Variants in ROBO2 observed in about 807,000 individuals in gnomAD.
ROBO2 encodes the protein roundabout homolog 2.
In ROBO2, 53 loss-of-function variants were observed where a neutral mutation model predicts 160.8. The ratio of observed to expected loss-of-function variants is 0.33; its 90% CI spans 0.26 to 0.41. The LOEUF (loss-of-function observed/expected upper bound fraction) is 0.41. Ranked by LOEUF, ROBO2 falls within the 10% of genes least tolerant of loss-of-function variation. The pLI is 1.00. For missense variants in ROBO2, 1,577 were observed against 1,722.4 expected, an observed-to-expected ratio of 0.92 and a Z score of 1.49; for synonymous variants, 664 against 611.7, an observed-to-expected ratio of 1.09 and a Z score of -1.26.
At chr3:76,375,755 T>C (rs542408255) in intron 2 of ROBO2, among the ~76,000 whole-genome samples, 1 of 152,108 alleles carries the variant, frequency 6.6e-6, no homozygotes, top group South Asian at 2.1e-4. Context: ...AACTAGAAAG[T>C]AATTTAGTCT....
intron 2 of ROBO2, among the ~76,000 whole-genome samples, chr3:76,389,798 A>G (rs905306240): frequency 6.6e-6 from 1 of 152,170 alleles, no homozygotes; most frequent in Non-Finnish European, 1.5e-5. Flanking sequence ...ATTAAGTTTC[A>G]TCGATTACAT....
At chr3:76,638,259 C>G (rs1034967490) in intron 2 of ROBO2, among the ~76,000 whole-genome samples, 10 of 152,122 alleles carry the variant, frequency 6.6e-5, no homozygotes, top group African/African-American at 2.4e-4. Flanking sequence ...AGAGACAGTC[C>G]TATCATTAGC....
At chr3:76,615,945 G>C (rs1358956282) in intron 2 of ROBO2, among the ~76,000 whole-genome samples, 1 of 152,128 alleles carries the variant, frequency 6.6e-6, no homozygotes, top group African/African-American at 2.4e-5. Context: ...TGCCAGAGTT[G>C]AGTATAAGAT....
intron 2 of ROBO2, among the ~76,000 whole-genome samples, chr3:76,718,409 T>C (rs1042466607): frequency 2.6e-5 from 4 of 152,228 alleles, no homozygotes; most frequent in Non-Finnish European, 5.9e-5. Context: ...GGATAAACCA[T>C]AGTTTCATCA....
chr3:75,990,681 G>A (rs1479336840), intron 2 of ROBO2, among the ~76,000 whole-genome samples: 1 of 152,188 alleles, frequency 6.6e-6, no homozygotes, highest in Non-Finnish European at 1.5e-5. Flanking sequence ...TAAGGTAAGA[G>A]TTGTATTTAT....
At chr3:77,323,343 T>C (rs1272291131) in intron 2 of ROBO2, among the ~76,000 whole-genome samples, 1 of 151,900 alleles carries the variant, frequency 6.6e-6, no homozygotes, top group Non-Finnish European at 1.5e-5. Flanking sequence ...ATACTTGCTC[T>C]CCTGAGTTGA....
chr3:76,497,372 A>T (rs1312973732), intron 2 of ROBO2, among the ~76,000 whole-genome samples: 1 of 151,938 alleles, frequency 6.6e-6, no homozygotes, highest in Non-Finnish European at 1.5e-5. Flanking sequence ...ATTTTGTTTA[A>T]TTTTTTAAAG....
chr3:77,539,576 G>C (rs1247333770), intron 6 of ROBO2, among the ~76,000 whole-genome samples: 2 of 152,080 alleles, frequency 1.3e-5, no homozygotes, highest in South Asian at 4.1e-4. Context: ...GGTATAATGA[G>C]ATGGAAAAAA....
chr3:76,419,509 A>G (rs2075901094), intron 2 of ROBO2, among the ~76,000 whole-genome samples: 1 of 152,044 alleles, frequency 6.6e-6, no homozygotes, highest in African/African-American at 2.4e-5. Flanking sequence ...TATCACCTGA[A>G]CTACTTTTTT....
chr3:77,312,168 G>A (rs62251215), intron 2 of ROBO2, among the ~76,000 whole-genome samples: 2 of 151,926 alleles, frequency 1.3e-5, no homozygotes, highest in Admixed American at 6.6e-5. Context: ...TGACAGCCAG[G>A]GGAATTCCAG....
chr3:75,934,261 G>T (rs1259647507), intron 1 of ROBO2, among the ~76,000 whole-genome samples: 2 of 152,124 alleles, frequency 1.3e-5, no homozygotes, highest in Non-Finnish European at 2.9e-5. Flanking sequence ...AGCACAATGG[G>T]CTCAACTATC....
intron 1 of ROBO2, among the ~76,000 whole-genome samples, chr3:75,924,442 T>C (rs909901519): frequency 6.6e-5 from 10 of 152,094 alleles, no homozygotes; most frequent in African/African-American, 2.2e-4. Context: ...AATTCTCCCC[T>C]GGAATCTCCT....
intron 2 of ROBO2, among the ~76,000 whole-genome samples, chr3:76,128,649 A>G (rs1430294577): frequency 6.6e-6 from 1 of 151,870 alleles, no homozygotes; most frequent in Admixed American, 6.6e-5. Flanking sequence ...GTTCATATGA[A>G]TTCTCTGGAA....
chr3:77,384,032 C>T (rs1169209758), intron 2 of ROBO2, among the ~76,000 whole-genome samples: 3 of 152,002 alleles, frequency 2.0e-5, no homozygotes, highest in Admixed American at 2.0e-4. Flanking sequence ...GTAAAATATG[C>T]CGCCCTGAAA....
chr3:76,960,433 G>A (rs1428923412), intron 2 of ROBO2, among the ~76,000 whole-genome samples: 1 of 149,104 alleles, frequency 6.7e-6, no homozygotes. Flanking sequence ...AAAAATGTAT[G>A]TGCATATATC....
At chr3:76,841,961 A>G (rs2068317896) in intron 2 of ROBO2, among the ~76,000 whole-genome samples, 1 of 152,206 alleles carries the variant, frequency 6.6e-6, no homozygotes, top group Non-Finnish European at 1.5e-5. Context: ...CTGATAGTCA[A>G]AACAGGATAA....
intron 2 of ROBO2, among the ~76,000 whole-genome samples, chr3:76,103,498 T>C (rs1241990398): frequency 6.6e-6 from 1 of 152,182 alleles, no homozygotes; most frequent in Non-Finnish European, 1.5e-5. Flanking sequence ...AAATGTTTGT[T>C]AATGAAGAGA....
intron 2 of ROBO2, among the ~76,000 whole-genome samples, chr3:76,640,796 G>A (rs1236667371): frequency 6.6e-6 from 1 of 151,958 alleles, no homozygotes; most frequent in Non-Finnish European, 1.5e-5. Context: ...AATACAGTAA[G>A]CCTGCAACAT....
chr3:77,040,632 C>A, exon 1 of ROBO2: 2 of 1,509,392 alleles, frequency 1.3e-6, no homozygotes, highest in South Asian at 1.3e-5. Context: ...CTCCACCAAC[C>A]CCTTCTGATC....
Sources: allele counts gnomAD v4.1 joint callset (sites outside exome capture counted in the v4.1 genomes callset), GRCh38; gene constraint gnomAD v4.1.1; transcripts MANE v1.5; gene names NCBI Gene and HGNC (gene_info 2026-07-23, HGNC 2026-07-21).